Variants in ZNF385D observed in about 807,000 individuals in gnomAD.
The protein encoded by ZNF385D is zinc finger protein 385D.
ZNF385D carries 15 observed loss-of-function variants against 35.8 expected under a neutral mutation model. That is an observed-to-expected ratio of 0.42 (90% CI 0.28 to 0.64). The LOEUF (loss-of-function observed/expected upper bound fraction) is 0.64. Ranked by LOEUF, ZNF385D falls within the 30% of genes least tolerant of loss-of-function variation. The pLI, the probability that ZNF385D is intolerant of heterozygous loss-of-function variation, is 0.23. For synonymous variants in ZNF385D, 212 were observed against 186.8 expected (o/e 1.13, Z -1.10); for missense variants, 474 against 494.6 (o/e 0.96, Z 0.39).
intron 3 of ZNF385D, among the ~76,000 whole-genome samples, chr3:22,094,559 G>A (rs1420268351): frequency 6.6e-6 from 1 of 151,790 alleles, no homozygotes; most frequent in Admixed American, 6.6e-5. Context: ...TGAAAGCAGA[G>A]GTGGAAGGAA....
At chr3:21,503,957 A>G (rs1414910593) in intron 4 of ZNF385D, among the ~76,000 whole-genome samples, 1 of 152,164 alleles carries the variant, frequency 6.6e-6, no homozygotes, top group Non-Finnish European at 1.5e-5. Flanking sequence ...CCTGGTTTAC[A>G]ATTTCAAAAT....
At chr3:21,827,804 C>A (rs1694738423) in intron 3 of ZNF385D, among the ~76,000 whole-genome samples, 1 of 152,158 alleles carries the variant, frequency 6.6e-6, no homozygotes, top group African/African-American at 2.4e-5. Context: ...CATTCAAATG[C>A]AGTTTTTGAT....
rs528055350 is a variant in ZNF385D, at chr3:22,304,056, G to A, written c.106+68394C>T. Among the ~76,000 whole-genome samples, 71 of 152,244 alleles carry A rather than the reference G, an allele frequency of 4.7e-4. 1 individual carries two copies. Among genetic ancestry groups the A allele is most frequent in the African/African-American group, 1.5e-3 (61 of 41,554 alleles). ...GCCTCCCAGTGTTGGGATTACAGGC[G>A]TGAGTCACCATGCCTGGTCTCTGTT... On this transcript the variant is annotated intron_variant, in intron 2 of 5. Coordinates refer to the ZNF385D transcript ENST00000494108.
chr3:21,898,992 T>C (rs1575865604), intron 3 of ZNF385D, among the ~76,000 whole-genome samples: 2 of 152,116 alleles, frequency 1.3e-5, no homozygotes, highest in Non-Finnish European at 2.9e-5. Context: ...CAATTAGGAA[T>C]GAGATTATAA....
chr3:22,259,217 T>TA (rs1700481477), intron 2 of ZNF385D, among the ~76,000 whole-genome samples: 1 of 151,896 alleles, frequency 6.6e-6, no homozygotes, highest in African/African-American at 2.4e-5. Flanking sequence ...ATTATATATA[T>TA]AAAATCTCAT....
At chr3:22,284,132 G>A (rs991558987) in intron 2 of ZNF385D, among the ~76,000 whole-genome samples, 2 of 152,014 alleles carry the variant, frequency 1.3e-5, no homozygotes, top group African/African-American at 4.8e-5. Flanking sequence ...CCAATAAAAA[G>A]GAATCAATCT....
intron 1 of ZNF385D, among the ~76,000 whole-genome samples, chr3:21,699,751 C>G (rs933589427): frequency 6.8e-6 from 1 of 147,100 alleles, no homozygotes; most frequent in African/African-American, 2.5e-5. Flanking sequence ...TTGCTTATTT[C>G]AAATATGACT....
chr3:21,943,666 T>A (rs1456986681), intron 3 of ZNF385D, among the ~76,000 whole-genome samples: 1 of 152,160 alleles, frequency 6.6e-6, no homozygotes, highest in Non-Finnish European at 1.5e-5. Flanking sequence ...TGTTAGTTAC[T>A]GTGTGCTATA....
At chr3:21,880,355 G>A (rs920759836) in intron 3 of ZNF385D, among the ~76,000 whole-genome samples, 2 of 151,926 alleles carry the variant, frequency 1.3e-5, no homozygotes, top group African/African-American at 2.4e-5. Context: ...TGCTCACTTC[G>A]TGTTTCTGTC....
intron 2 of ZNF385D, among the ~76,000 whole-genome samples, chr3:22,199,214 C>A (rs983301884): frequency 6.6e-6 from 1 of 152,100 alleles, no homozygotes; most frequent in African/African-American, 2.4e-5. Context: ...CTCCACCCTG[C>A]TTTTCCATCC....
intron 3 of ZNF385D, among the ~76,000 whole-genome samples, chr3:22,102,042 T>G (rs1346984062): frequency 1.3e-5 from 2 of 151,432 alleles, no homozygotes; most frequent in African/African-American, 4.9e-5. Context: ...TAAAATGTGG[T>G]TTCTGTGGTA....
chr3:21,590,401 C>T (rs559782482), intron 2 of ZNF385D, among the ~76,000 whole-genome samples: 15 of 151,960 alleles, frequency 9.9e-5, no homozygotes, highest in South Asian at 4.2e-4. Context: ...AAGTTGGGTA[C>T]GAGGTACATG....
chr3:21,611,453 T>C lies in ZNF385D; in HGVS notation c.166-46769A>G, dbSNP rs9811190. ...CCTAAACCACATGTGGCAAGTTCAATACCAGTCTGAGACTTTAGTAACCAC... is the reference window on the plus strand; with the variant it reads ...CCTAAACCACATGTGGCAAGTTCAACACCAGTCTGAGACTTTAGTAACCAC... On this transcript the variant is annotated intron_variant, in intron 2 of 7. Coordinates refer to ENST00000281523, the MANE Select transcript of ZNF385D (RefSeq NM_024697.3). Among the ~76,000 whole-genome samples the C allele has an allele frequency of 3.1e-3, 467 of 152,244 alleles. 2 individuals carry two copies. Among genetic ancestry groups the C allele is most frequent in the African/African-American group, 0.011 (437 of 41,548 alleles).
intron 3 of ZNF385D, among the ~76,000 whole-genome samples, chr3:21,843,900 C>T (rs1695835884): frequency 6.6e-6 from 1 of 151,912 alleles, no homozygotes. Context: ...ATCTCATTTC[C>T]TGCTGGGGAA....
chr3:22,276,327 A>C (rs1396607351), intron 2 of ZNF385D, among the ~76,000 whole-genome samples: 1 of 152,062 alleles, frequency 6.6e-6, no homozygotes, highest in Non-Finnish European at 1.5e-5. Context: ...GTACATTATA[A>C]TTTATAATAG....
At chr3:21,766,447 T>C (rs1010050783) in intron 3 of ZNF385D, among the ~76,000 whole-genome samples, 1 of 152,110 alleles carries the variant, frequency 6.6e-6, no homozygotes, top group South Asian at 2.1e-4. Flanking sequence ...TAAAGCACGG[T>C]CAGAACACAT....
chr3:22,233,283 A>T, intron 2 of ZNF385D, among the ~76,000 whole-genome samples: 1 of 152,022 alleles, frequency 6.6e-6, no homozygotes, highest in East Asian at 1.9e-4. Flanking sequence ...CAACAACATA[A>T]TCTCAAAATC....
intron 3 of ZNF385D, among the ~76,000 whole-genome samples, chr3:21,797,381 T>C (rs150263035): frequency 4.8e-4 from 73 of 152,310 alleles, no homozygotes; most frequent in African/African-American, 1.4e-3. Context: ...CTCTGATTCA[T>C]TGCTAGTGGA....
At chr3:21,442,158 T>C (rs376316265) in intron 4 of ZNF385D, among the ~76,000 whole-genome samples, 1 of 152,118 alleles carries the variant, frequency 6.6e-6, no homozygotes, top group African/African-American at 2.4e-5. Context: ...CCAAAAAATA[T>C]CAACACTTGA....
Sources: gnomAD v4.1 joint callset for allele counts (sites outside exome capture counted in the v4.1 genomes callset) on GRCh38, gnomAD v4.1.1 for gene constraint, MANE v1.5 for transcripts, NCBI Gene and HGNC (gene_info 2026-07-23, HGNC 2026-07-21) for gene names.